ZMAT5: variants seen among roughly 807,000 people sequenced by gnomAD.
ZMAT5 encodes the protein zinc finger matrin-type 5.
ZMAT5 carries 23 observed loss-of-function variants against 28.0 expected under a neutral mutation model. The ratio of observed to expected loss-of-function variants is 0.82; its 90% confidence interval spans 0.59 to 1.16. ZMAT5 has a LOEUF of 1.16. Ranked by LOEUF, ZMAT5 falls within the 50% of genes most tolerant of loss-of-function variation. ZMAT5 has a pLI of 0.00. For missense variants in ZMAT5, 173 were observed against 212.7 expected, an observed-to-expected ratio of 0.81 and a Z score of 1.16; for synonymous variants, 76 against 84.1, an observed-to-expected ratio of 0.90 and a Z score of 0.52.
chr22:29,753,104 G>A (rs771538578), intron 1 of ZMAT5, among the ~76,000 whole-genome samples: 53 of 152,272 alleles, frequency 3.5e-4, no homozygotes, highest in African/African-American at 1.2e-3. Flanking sequence ...GCTGTCCGGG[G>A]ACAGAGTTAA....
chr22:29,765,468 C>A (rs1335423773), intron 1 of ZMAT5, among the ~76,000 whole-genome samples: 1 of 152,038 alleles, frequency 6.6e-6, no homozygotes, highest in Admixed American at 6.6e-5. Flanking sequence ...TCCTCAATTC[C>A]TCTTTCCTGT....
At chr22:29,751,539 A>G (rs2068055429) in intron 1 of ZMAT5, among the ~76,000 whole-genome samples, 1 of 152,200 alleles carries the variant, frequency 6.6e-6, no homozygotes, top group South Asian at 2.1e-4. Context: ...TCCCCAGGAC[A>G]ACCTGTGGGG....
intron 5 of ZMAT5, among the ~76,000 whole-genome samples, chr22:29,737,287 C>T (rs2067915177): frequency 1.3e-5 from 2 of 152,106 alleles, no homozygotes; most frequent in South Asian, 4.1e-4. Context: ...GAGATCACAC[C>T]ACTGCACTCC....
chr22:29,744,694 C>T (rs769131125), intron 2 of ZMAT5, among the ~76,000 whole-genome samples: 2 of 152,172 alleles, frequency 1.3e-5, no homozygotes, highest in East Asian at 1.9e-4. Context: ...TGCCCACGTC[C>T]GCTTAGTGGT....
intron 1 of ZMAT5, among the ~76,000 whole-genome samples, chr22:29,754,429 C>CTGGGTCACA (rs1438890687): frequency 2.0e-5 from 3 of 152,228 alleles, no homozygotes; most frequent in Non-Finnish European, 4.4e-5. Context: ...GGGACAACCT[C>CTGGGTCACA]TGGGTCACAT....
chr22:29,734,388 C>T lies in ZMAT5; in HGVS notation c.384-3034G>A, dbSNP rs149311157. On this transcript the variant is annotated intron_variant, in intron 5 of 5. Coordinates refer to ENST00000344318, the MANE Select transcript of ZMAT5 (RefSeq NM_001003692.2). The stretch of plus-strand genomic sequence containing the variant: ...TCTCGGTTCCCCGAGGTGGGGTGGG[C>T]AGCTCTCTGTGCCTTGTACTCTGGG... Among the ~76,000 whole-genome samples the T allele has an allele frequency of 1.2e-4, 19 of 152,348 alleles. No individual in the cohort carries two copies. The East Asian group carries it at 3.7e-3, about 29-fold the overall frequency.
At chr22:29,736,315 A>C (rs1482896862) in intron 5 of ZMAT5, among the ~76,000 whole-genome samples, 1 of 152,238 alleles carries the variant, frequency 6.6e-6, no homozygotes, top group Non-Finnish European at 1.5e-5. Flanking sequence ...GGAGGAGAGA[A>C]TGTCACACTC....
intron 2 of ZMAT5, among the ~76,000 whole-genome samples, chr22:29,744,290 G>A (rs920681393): frequency 1.4e-5 from 2 of 143,972 alleles, no homozygotes; most frequent in Admixed American, 7.5e-5. Flanking sequence ...TCTGAACAGC[G>A]CAAACATCCC....
chr22:29,747,805 C>G (rs2068021816), intron 2 of ZMAT5: 1 of 163,140 alleles, frequency 6.1e-6, no homozygotes, highest in South Asian at 1.6e-4. Context: ...CCTTCTGCAA[C>G]TGGGTTATTC....
At chr22:29,764,480 A>G (rs535321502) in intron 1 of ZMAT5, among the ~76,000 whole-genome samples, 1 of 152,156 alleles carries the variant, frequency 6.6e-6, no homozygotes, top group Non-Finnish European at 1.5e-5. Flanking sequence ...TCAGAGGCAG[A>G]GCCAGGCCTG....
intron 5 of ZMAT5, among the ~76,000 whole-genome samples, chr22:29,736,318 T>A (rs2067903443): frequency 6.6e-6 from 1 of 152,220 alleles, no homozygotes; most frequent in Non-Finnish European, 1.5e-5. Context: ...GGAGAGAATG[T>A]CACACTCCAA....
chr22:29,760,126 G>A (rs997256733), intron 1 of ZMAT5, among the ~76,000 whole-genome samples: 6 of 151,562 alleles, frequency 4.0e-5, no homozygotes, highest in African/African-American at 4.8e-5. Context: ...TCTTGAACCC[G>A]GGAGGCGGAG....
intron 5 of ZMAT5, among the ~76,000 whole-genome samples, chr22:29,736,326 C>T (rs529839872): frequency 6.6e-6 from 1 of 152,210 alleles, no homozygotes; most frequent in Non-Finnish European, 1.5e-5. Context: ...TGTCACACTC[C>T]AACGTTTGAG....
intron 1 of ZMAT5, among the ~76,000 whole-genome samples, chr22:29,756,362 G>GAAAT (rs1355639937): frequency 1.3e-5 from 2 of 152,196 alleles, no homozygotes. Flanking sequence ...AAGCGCCAAG[G>GAAAT]AAATCCAGAT....
chr22:29,745,164 T>A (rs913017556), intron 2 of ZMAT5, among the ~76,000 whole-genome samples: 1 of 152,212 alleles, frequency 6.6e-6, no homozygotes, highest in Non-Finnish European at 1.5e-5. Flanking sequence ...GGTAAACATC[T>A]AGCGTGTAGC....
intron 1 of ZMAT5, among the ~76,000 whole-genome samples, chr22:29,764,773 G>T (rs1041551631): frequency 2.6e-5 from 4 of 152,150 alleles, no homozygotes; most frequent in Admixed American, 2.6e-4. Flanking sequence ...AAAGTGTGGG[G>T]ATTACAGGTG....
intron 4 of ZMAT5, 48 bp from the exon 5 acceptor site, chr22:29,738,489 G>C (rs1482783539): frequency 2.0e-6 from 3 of 1,534,648 alleles, no homozygotes; most frequent in South Asian, 1.1e-5. Context: ...ACTCCTGCCT[G>C]CCAGAACCCT....
intron 1 of ZMAT5, among the ~76,000 whole-genome samples, chr22:29,761,269 CAAAAAAA>C (rs131283): frequency 3.4e-5 from 2 of 59,528 alleles, no homozygotes; most frequent in Non-Finnish European, 6.0e-5. Flanking sequence ...AACTCCGTCT[CAAAAAAA>C]AAAAAAAAAA....
rs781203546 is a variant in ZMAT5, at chr22:29,748,534, C to T, written c.11G>A (p.Arg4Gln). MGK[R>Q]YFCDYCDRSF... is the part of the protein sequence containing the mutation. ...GCGGTCGCAGTAGTCACAGAAGTAT[C>T]GCTTCCCCATGGCCACTCAGAGCAG... Residue 4 changes from arginine to glutamine, a missense_variant, in exon 2 of 6, where the codon CGA (arginine) becomes CAA (glutamine). By Grantham distance (43) the Arg-to-Gln change is conservative. Transcript: ENST00000344318. 2.5e-6 allele frequency: 4 copies of T among 1,614,142 alleles called. No individual in the cohort carries two copies. The highest frequency in any genetic ancestry group is 2.2e-5 in the South Asian group (2 of 91,064).
Sources: allele counts gnomAD v4.1 joint callset (sites outside exome capture counted in the v4.1 genomes callset), GRCh38; gene constraint gnomAD v4.1.1; transcripts MANE v1.5; gene names NCBI Gene and HGNC (gene_info 2026-07-23, HGNC 2026-07-21).